ATP2C2: variants seen among roughly 807,000 people sequenced by gnomAD.
The protein encoded by ATP2C2 is ATPase secretory pathway Ca2+ transporting 2, also known as calcium-transporting ATPase type 2C member 2.
In ATP2C2, 171 loss-of-function variants were observed where a neutral mutation model predicts 110.8. The ratio of observed to expected loss-of-function variants is 1.54; its 90% CI spans 1.36 to 1.75. ATP2C2 has a LOEUF of 1.75. Among genes scored for constraint, ATP2C2 ranks in the 40% most tolerant of loss-of-function variants. The pLI, the probability that ATP2C2 is intolerant of heterozygous loss-of-function variation, is 0.00. For synonymous variants in ATP2C2, 804 were observed against 508.4 expected (o/e 1.58, Z -7.82); for missense variants, 1,963 against 1,235.0 (o/e 1.59, Z -8.84).
intron 7 of ATP2C2, among the ~76,000 whole-genome samples, chr16:84,419,612 G>A (rs1349249529): frequency 6.8e-6 from 1 of 146,428 alleles, no homozygotes; most frequent in Admixed American, 6.9e-5. Flanking sequence ...AGGCCACACT[G>A]CAGCCCTTTT....
At chr16:84,442,010 T>C (rs979005180) in intron 14 of ATP2C2, among the ~76,000 whole-genome samples, 9 of 152,190 alleles carry the variant, frequency 5.9e-5, no homozygotes, top group African/African-American at 2.2e-4. Context: ...GTAATGCGAG[T>C]GTCCAGGCTC....
chr16:84,439,424 C>T lies in ATP2C2; in HGVS notation c.1112-3C>T, dbSNP rs370140600. 2.5e-6 allele frequency: 4 copies of T among 1,613,906 alleles called. No individual in the cohort carries two copies. In the African/African-American group the frequency reaches 5.3e-5, roughly 22 times the overall value. ...TTCTATAAACTGGTGTTTGTTGTAC[C>T]AGGTTGCTGCAGCGTTCTCTGTTCT... On this transcript the variant is annotated splice_region_variant and splice_polypyrimidine_tract_variant and intron_variant, in intron 12 of 26. Transcript: ENST00000262429.
rs1434310685 is a variant in ATP2C2, at chr16:84,459,102, G to A, written c.2148-18G>A. 2 of 1,613,850 alleles carry A rather than the reference G, an allele frequency of 1.2e-6. No homozygotes were observed. The highest frequency in any genetic ancestry group is 1.7e-5 in the Admixed American group (1 of 60,010). On this transcript the variant is annotated intron_variant, in intron 21 of 26. Transcript: ENST00000262429. ...ACGCAGGCCCGCTCCGTGAGTAAATGGCTCTCTTCTCTTGCAGGAATGCAG... is the reference window on the plus strand; with the variant it reads ...ACGCAGGCCCGCTCCGTGAGTAAATAGCTCTCTTCTCTTGCAGGAATGCAG...
intron 24 of ATP2C2, chr16:84,461,225 C>T (rs1185653749): frequency 5.4e-5 from 14 of 257,706 alleles, no homozygotes; most frequent in African/African-American, 8.9e-5. Context: ...AGCTCTATGC[C>T]AGGACGGGCC....
chr16:84,399,326 G>A (rs897997974), intron 2 of ATP2C2, among the ~76,000 whole-genome samples: 1 of 152,212 alleles, frequency 6.6e-6, no homozygotes, highest in Middle Eastern at 3.2e-3. Flanking sequence ...TGGAGAGGGG[G>A]AGGAAGTATT....
chr16:84,423,179 C>G lies in ATP2C2; in HGVS notation c.844-9C>G. The G allele has an allele frequency of 1.2e-6, 2 of 1,613,420 alleles. No individual in the cohort carries two copies. Among genetic ancestry groups the G allele is most frequent in the South Asian group, 2.2e-5 (2 of 91,050 alleles). ...TTGTCCAACTAACCCATTGTGCTCA[C>G]CCTTTCAGACACCTAAAACTCCTTT... On this transcript the variant is annotated splice_polypyrimidine_tract_variant and intron_variant, in intron 9 of 26. Transcript: ENST00000262429.
intron 2 of ATP2C2, among the ~76,000 whole-genome samples, chr16:84,402,231 AG>A (rs1322805612): frequency 2.0e-5 from 3 of 152,194 alleles, no homozygotes. Context: ...TGGAGTCTTT[AG>A]GTTTTTTCAG....
At position 84,460,670 on chromosome 16, in the gene ATP2C2, G is replaced by A. The variant is rs62640936; in HGVS notation, c.2350G>A (p.Val784Ile). 46 of 1,614,096 alleles carry A rather than the reference G, an allele frequency of 2.8e-5. No individual in the cohort carries two copies. The highest frequency in any genetic ancestry group is 2.8e-4 in the African/African-American group (21 of 74,932). Reference sequence around the variant, plus strand: ...TCGGAGCAGCTTGGGGGTAGAGCCCGTTGACAAAGACGCCTTCAGGCAGCC... The same window carrying A: ...TCGGAGCAGCTTGGGGGTAGAGCCCATTGACAAAGACGCCTTCAGGCAGCC... Reference protein sequence around the residue: ...PPAQSLGVEPVDKDAFRQPPR... With the variant: ...PPAQSLGVEPIDKDAFRQPPR... The change falls in exon 24 of 27, where the codon GTT (valine) becomes ATT (isoleucine). Residue 784 changes from valine to isoleucine, a missense_variant. By Grantham distance (29) the Val-to-Ile change is conservative. Coordinates refer to ENST00000262429, the MANE Select transcript of ATP2C2 (RefSeq NM_014861.4).
intron 16 of ATP2C2, among the ~76,000 whole-genome samples, chr16:84,448,209 C>A (rs761584399): frequency 6.6e-6 from 1 of 152,184 alleles, no homozygotes; most frequent in African/African-American, 2.4e-5. Flanking sequence ...CCCAAAGGCA[C>A]AGTCCCAGCT....
At chr16:84,446,532 C>A in intron 16 of ATP2C2, 102 bp downstream of exon 16, 1 of 775,520 alleles carries the variant, frequency 1.3e-6, no homozygotes, top group Non-Finnish European at 2.0e-6. Context: ...AAGTTCCTGG[C>A]TGCTTCTGTG....
chr16:84,373,021 G>A (rs1192846068), intron 1 of ATP2C2, among the ~76,000 whole-genome samples: 2 of 151,256 alleles, frequency 1.3e-5, no homozygotes, highest in Non-Finnish European at 2.9e-5. Context: ...TGCGGAGGCT[G>A]AGGCAGGAAA....
intron 13 of ATP2C2, 36 bp from the exon 14 acceptor site, chr16:84,440,821 T>C: frequency 8.4e-6 from 13 of 1,545,974 alleles, no homozygotes; most frequent in Non-Finnish European, 1.2e-5. Flanking sequence ...TGTTTTTGAC[T>C]CTTGGCGAAA....
intron 1 of ATP2C2, among the ~76,000 whole-genome samples, chr16:84,388,500 G>A (rs1396581035): frequency 1.3e-5 from 2 of 152,188 alleles, no homozygotes; most frequent in Non-Finnish European, 2.9e-5. Context: ...CTGGCCTGAG[G>A]CCCATACTCT....
chr16:84,427,553 C>G (rs1461052553), intron 11 of ATP2C2, among the ~76,000 whole-genome samples: 1 of 152,084 alleles, frequency 6.6e-6, no homozygotes, highest in Admixed American at 6.5e-5. Flanking sequence ...CCTGTCTCTA[C>G]TAAAAATACA....
chr16:84,442,019 T>G (rs1468307663), intron 14 of ATP2C2, among the ~76,000 whole-genome samples: 1 of 152,146 alleles, frequency 6.6e-6, no homozygotes, highest in Non-Finnish European at 1.5e-5. Context: ...GTGTCCAGGC[T>G]CACCAGGCCG....
At position 84,422,635 on chromosome 16, in the gene ATP2C2, G is replaced by C. The variant is rs753015843; in HGVS notation, c.781G>C (p.Val261Leu). The change falls in exon 9 of 27, where the codon GTG becomes CTG. Residue 261 changes from valine to leucine, a missense_variant. Physicochemically the swap from Val to Leu is conservative, Grantham distance 32. Transcript: ENST00000262429. ...CTCTCTCTCCTGGACACAGGGGGTC[G>C]TGATTGGAACAGGGGAAAGCTCTCA... ...LVQYGRGQGV[V>L]IGTGESSQFG... 1 of 1,613,126 alleles carries C rather than the reference G, an allele frequency of 6.2e-7. No individual in the cohort carries two copies. The highest frequency in any genetic ancestry group is 1.3e-5 in the African/African-American group (1 of 74,944).
chr16:84,410,326 A>C (rs1906161274), intron 4 of ATP2C2, among the ~76,000 whole-genome samples: 1 of 152,138 alleles, frequency 6.6e-6, no homozygotes, highest in African/African-American at 2.4e-5. Context: ...GCGGTGCCTT[A>C]AGTGTGTCTA....
At chr16:84,460,363 G>A (rs567735621) in intron 23 of ATP2C2, 13 of 459,094 alleles carry the variant, frequency 2.8e-5, no homozygotes, top group South Asian at 1.6e-4. Flanking sequence ...GGGTCCCCTC[G>A]GGGTGATGGA....
At chr16:84,450,642 A>C (rs896255960) in intron 17 of ATP2C2, among the ~76,000 whole-genome samples, 1 of 152,032 alleles carries the variant, frequency 6.6e-6, no homozygotes, top group African/African-American at 2.4e-5. Flanking sequence ...ACTGTGTAGG[A>C]GGCATGCCAG....
Sources: allele counts gnomAD v4.1 joint callset (sites outside exome capture counted in the v4.1 genomes callset), GRCh38; gene constraint gnomAD v4.1.1; transcripts MANE v1.5; gene names NCBI Gene and HGNC (gene_info 2026-07-23, HGNC 2026-07-21).